TMEM196: variants seen among roughly 807,000 people sequenced by gnomAD.
The protein encoded by TMEM196 is transmembrane protein 196.
Under a neutral mutation model 20.0 loss-of-function variants are expected in TMEM196, and 17 were observed. The observed-to-expected ratio is 0.85, with a 90% CI of 0.58 to 1.27. TMEM196 has a LOEUF of 1.27. Among genes scored for constraint, TMEM196 ranks in the 50% most tolerant of loss-of-function variants. TMEM196 has a pLI of 0.00. For missense variants in TMEM196, 267 were observed against 223.0 expected (o/e 1.20, Z -1.26); for synonymous variants, 113 against 88.9 (o/e 1.27, Z -1.52).
chr7:19,771,544 T>C (rs1168612976), intron 1 of TMEM196, among the ~76,000 whole-genome samples: 1 of 152,238 alleles, frequency 6.6e-6, no homozygotes, highest in Non-Finnish European at 1.5e-5. Flanking sequence ...TAAGCCATGA[T>C]GGTTAAACAT....
At chr7:19,769,017 T>C (rs537340821) in intron 1 of TMEM196, among the ~76,000 whole-genome samples, 60 of 152,190 alleles carry the variant, frequency 3.9e-4, no homozygotes, top group South Asian at 8.3e-4. Flanking sequence ...TTTTAGGGTC[T>C]CTCTATATAA....
At position 19,772,902 on chromosome 7, in the gene TMEM196, C is replaced by A. The variant is rs1785949101; in HGVS notation, c.-206G>T. On this transcript the variant is annotated 5_prime_UTR_variant, in exon 1 of 5. Coordinates refer to ENST00000405844, the MANE Select transcript of TMEM196 (RefSeq NM_001363562.2). ...CCAGAGGCAAAGGAGCTGCTCCACC[C>A]CCTGGCACGTTCAGATAGGGATCGT... is the stretch of plus-strand genomic sequence containing the variant. The A allele has an allele frequency of 4.8e-6, 2 of 419,782 alleles. No homozygotes were observed. Among genetic ancestry groups the A allele is most frequent in the Middle Eastern group, 6.0e-4 (1 of 1,656 alleles). The allele number at this position is 419,782 out of a possible 1,614,324, so 26.0% of individuals were successfully genotyped here.
chr7:19,738,551 T>C (rs1051640297), intron 1 of TMEM196, among the ~76,000 whole-genome samples: 17 of 152,042 alleles, frequency 1.1e-4, no homozygotes, highest in African/African-American at 3.1e-4. Context: ...CCATGCATCC[T>C]TGGAGAAATG....
chr7:19,734,160 C>G (rs2128018835), intron 1 of TMEM196, among the ~76,000 whole-genome samples: 1 of 152,290 alleles, frequency 6.6e-6, no homozygotes, highest in East Asian at 1.9e-4. Flanking sequence ...CACAGATAAT[C>G]ACAGCCAAAC....
intron 1 of TMEM196, among the ~76,000 whole-genome samples, chr7:19,733,459 G>A (rs148750218): frequency 2.9e-4 from 44 of 152,298 alleles, no homozygotes; most frequent in African/African-American, 1.0e-3. Context: ...CTGTTGCAGA[G>A]TAAGGGAGGA....
intron 1 of TMEM196, among the ~76,000 whole-genome samples, chr7:19,764,112 G>A (rs879454533): frequency 3.3e-5 from 5 of 152,176 alleles, no homozygotes; most frequent in Non-Finnish European, 1.5e-5. Flanking sequence ...CCATCAACAG[G>A]AATGACACTT....
chr7:19,764,576 T>C (rs12666159), intron 1 of TMEM196, among the ~76,000 whole-genome samples: 38,929 of 152,102 alleles, frequency 0.26, 6,575 homozygotes, highest in East Asian at 0.6. Flanking sequence ...TATTCTGTCT[T>C]CAAGGCTTAG....
At chr7:19,730,173 G>A (rs901086213) in intron 1 of TMEM196, among the ~76,000 whole-genome samples, 6 of 151,808 alleles carry the variant, frequency 4.0e-5, no homozygotes, top group African/African-American at 4.8e-5. Context: ...GGAGAATGGC[G>A]TGAACCTGGG....
chr7:19,770,327 A>G (rs910331135), intron 1 of TMEM196, among the ~76,000 whole-genome samples: 6 of 152,136 alleles, frequency 3.9e-5, no homozygotes, highest in African/African-American at 1.4e-4. Context: ...TTGGTAGTAA[A>G]TGGTAAAATG....
At chr7:19,745,846 T>G (rs1784733321) in intron 1 of TMEM196, among the ~76,000 whole-genome samples, 1 of 151,290 alleles carries the variant, frequency 6.6e-6, no homozygotes, top group Admixed American at 6.6e-5. Context: ...CATTGGCGTA[T>G]TCTATGGGTT....
At chr7:19,733,250 G>C (rs2128018307) in intron 1 of TMEM196, among the ~76,000 whole-genome samples, 1 of 152,274 alleles carries the variant, frequency 6.6e-6, no homozygotes, top group East Asian at 1.9e-4. Context: ...ACTTTGAGTG[G>C]ATTTTCTTTA....
At chr7:19,725,912 A>ATT in intron 2 of TMEM196, 144 bp from the exon 3 acceptor site, 5 of 899,206 alleles carry the variant, frequency 5.6e-6, no homozygotes, top group South Asian at 2.6e-5. Context: ...AGGACAGGAG[A>ATT]TTTTTTTTTT....
rs1407314728 is a variant in TMEM196, at chr7:19,721,997, C to T, written c.*131G>A. 5.6e-6 allele frequency: 7 copies of T among 1,241,832 alleles called. No individual in the cohort carries two copies. The highest frequency in any genetic ancestry group is 8.1e-6 in the Non-Finnish European group (7 of 866,340). The allele number at this position is 1,241,832 out of a possible 1,614,324, so 76.9% of individuals were successfully genotyped here. ...GGAGAGATAAATGCAAATGCAAAAA[C>T]TGTTTTATTTTCTAGTCCTTTGGTG... is the stretch of plus-strand genomic sequence containing the variant. On this transcript the variant is annotated 3_prime_UTR_variant, in exon 5 of 5. Coordinates refer to ENST00000405844, the MANE Select transcript of TMEM196 (RefSeq NM_001363562.2).
chr7:19,731,341 C>T (rs901941769), intron 1 of TMEM196, among the ~76,000 whole-genome samples: 2 of 152,058 alleles, frequency 1.3e-5, no homozygotes, highest in East Asian at 1.9e-4. Flanking sequence ...TCAGAGTGAC[C>T]GTTTCTCACC....
At chr7:19,742,381 A>G (rs1784611218) in intron 1 of TMEM196, among the ~76,000 whole-genome samples, 1 of 152,112 alleles carries the variant, frequency 6.6e-6, no homozygotes, top group Non-Finnish European at 1.5e-5. Flanking sequence ...GAGGAAAAAG[A>G]GTATGCTCTC....
At chr7:19,728,172 T>A (rs1284411799) in intron 2 of TMEM196, among the ~76,000 whole-genome samples, 1 of 152,118 alleles carries the variant, frequency 6.6e-6, no homozygotes, top group South Asian at 2.1e-4. Flanking sequence ...TTTTTTATTT[T>A]TTCCTTCCCT....
Position 19,720,440 on chromosome 7 carries a change from A to G in TMEM196, c.*1688T>C, listed in dbSNP as rs1339708768. The G allele has an allele frequency of 6.6e-6, 1 of 152,040 alleles. No individual in the cohort carries two copies. Among genetic ancestry groups the G allele is most frequent in the East Asian group, 1.9e-4 (1 of 5,202 alleles). 9.4% of individuals were successfully genotyped at this position (152,040 alleles called of 1,614,324 possible). Reference sequence around the variant, plus strand: ...TTTTGTTTATAAATTATATTCTCATACTGAACAGTAAATATTTTAATTTAC... The same window carrying G: ...TTTTGTTTATAAATTATATTCTCATGCTGAACAGTAAATATTTTAATTTAC... On this transcript the variant is annotated 3_prime_UTR_variant, in exon 5 of 5. Transcript: ENST00000405844.
intron 1 of TMEM196, among the ~76,000 whole-genome samples, chr7:19,762,542 A>G (rs1024470469): frequency 4.6e-5 from 7 of 152,136 alleles, no homozygotes; most frequent in Admixed American, 3.3e-4. Flanking sequence ...TTTTATATTA[A>G]TGTAGGTTAT....
chr7:19,741,058 TA>T (rs1252585905), intron 1 of TMEM196, among the ~76,000 whole-genome samples: 3 of 152,182 alleles, frequency 2.0e-5, no homozygotes. Flanking sequence ...CTTCATTTTG[TA>T]AAGCATTTTG....
Sources: allele counts gnomAD v4.1 joint callset (sites outside exome capture counted in the v4.1 genomes callset), GRCh38; gene constraint gnomAD v4.1.1; transcripts MANE v1.5; gene names NCBI Gene and HGNC (gene_info 2026-07-23, HGNC 2026-07-21).